Variants in CLGN observed in about 807,000 individuals in gnomAD.
The protein encoded by CLGN is testis tissue sperm-binding protein Li 79P.
CLGN carries 62 observed loss-of-function variants against 79.1 expected under a neutral mutation model. The ratio of observed to expected loss-of-function variants is 0.78; its 90% CI spans 0.64 to 0.97. CLGN has a LOEUF of 0.97. Ranked by LOEUF, CLGN falls within the 50% of genes least tolerant of loss-of-function variation. The probability of loss-of-function intolerance (pLI) is 0.00; values close to 1 mark genes in which losing one functional copy is unlikely to be tolerated. For missense variants in CLGN, 647 were observed against 715.5 expected (o/e 0.90, Z 1.09); for synonymous variants, 225 against 224.7 (o/e 1.00, Z -0.01).
chr4:140,418,811 T>C (rs1258505784), intron 1 of CLGN, among the ~76,000 whole-genome samples: 1 of 151,586 alleles, frequency 6.6e-6, no homozygotes, highest in African/African-American at 2.4e-5. Flanking sequence ...CTCAGGGATC[T>C]AGAACTGGAA....
chr4:140,400,603 C>A, intron 6 of CLGN, 54 bp from the exon 7 acceptor site: 1 of 1,167,110 alleles, frequency 8.6e-7, no homozygotes, highest in Non-Finnish European at 1.2e-6. Context: ...CTATTTAATG[C>A]ATTTCTGTAT....
At chr4:140,425,446 G>GTCTGTGTGTGTGTGTC in intron 1 of CLGN, among the ~76,000 whole-genome samples, 1 of 149,522 alleles carries the variant, frequency 6.7e-6, no homozygotes, top group Non-Finnish European at 1.5e-5. Context: ...GTGTGTGTGT[G>GTCTGTGTGTGTGTGTC]TGTGTGTGTG....
At chr4:140,410,776 C>A in intron 2 of CLGN, 150 bp from the exon 3 acceptor site, 1 of 579,838 alleles carries the variant, frequency 1.7e-6, no homozygotes, top group Non-Finnish European at 3.0e-6. Flanking sequence ...AAACTTTGTA[C>A]CTAGTAATGA....
At chr4:140,422,489 C>G (rs1011424805) in intron 1 of CLGN, among the ~76,000 whole-genome samples, 3 of 152,020 alleles carry the variant, frequency 2.0e-5, no homozygotes, top group Admixed American at 6.6e-5. Context: ...TGATTTATTC[C>G]TAAGTATTTT....
At chr4:140,406,274 G>T (rs2126625024) in intron 4 of CLGN, among the ~76,000 whole-genome samples, 191 bp from the exon 5 acceptor site, 1 of 152,092 alleles carries the variant, frequency 6.6e-6, no homozygotes, top group South Asian at 2.1e-4. Flanking sequence ...ATCAAAGAAT[G>T]ATTTCATCTT....
chr4:140,419,812 A>T (rs181741902), intron 1 of CLGN, among the ~76,000 whole-genome samples: 8 of 152,288 alleles, frequency 5.3e-5, no homozygotes, highest in Admixed American at 1.3e-4. Context: ...TGGGATAGGA[A>T]GTAAATGTAA....
intron 5 of CLGN, among the ~76,000 whole-genome samples, chr4:140,404,754 A>C (rs1271712355): frequency 6.6e-6 from 1 of 151,746 alleles, no homozygotes; most frequent in Non-Finnish European, 1.5e-5. Context: ...TCCTGGGCTT[A>C]GGTGATCCTC....
chr4:140,389,948 TG>T (rs1459984836), intron 14 of CLGN, among the ~76,000 whole-genome samples: 1 of 151,810 alleles, frequency 6.6e-6, no homozygotes, highest in Non-Finnish European at 1.5e-5. Context: ...GGTGACTCTG[TG>T]GGGTAAGGCT....
intron 5 of CLGN, among the ~76,000 whole-genome samples, chr4:140,405,184 T>TA (rs1296701225): frequency 5.5e-5 from 4 of 72,710 alleles, no homozygotes; most frequent in African/African-American, 1.8e-4. Flanking sequence ...TTTTTATTTT[T>TA]TTTTTTATTT....
rs1206983934 is a variant in CLGN, at chr4:140,396,888, T to C, written c.885-683A>G. ...ATATATATATACATATATATATATA[T>C]ATGTATATATATATATATGTATATA... On this transcript the variant is annotated intron_variant, in intron 8 of 14. Coordinates refer to ENST00000325617, the MANE Select transcript of CLGN (RefSeq NM_004362.3). Among the ~76,000 whole-genome samples, 2 of 61,538 alleles carry C rather than the reference T, an allele frequency of 3.3e-5. 1 individual carries two copies. The highest frequency in any genetic ancestry group is 5.4e-5 in the Non-Finnish European group (2 of 36,882). The allele number at this position is 61,538 out of a possible 152,430, so 40.4% of individuals were successfully genotyped here. A position where few individuals can be genotyped will look rare whatever the true frequency, so the allele number is the denominator to read the frequency against.
chr4:140,419,216 C>A (rs1353733360), intron 1 of CLGN, among the ~76,000 whole-genome samples: 1 of 150,974 alleles, frequency 6.6e-6, no homozygotes, highest in Non-Finnish European at 1.5e-5. Context: ...GGTGGGGGAA[C>A]GGGGGAGGGA....
At chr4:140,404,658 T>TC (rs1729064869) in intron 5 of CLGN, among the ~76,000 whole-genome samples, 2 of 150,272 alleles carry the variant, frequency 1.3e-5, no homozygotes, top group African/African-American at 5.0e-5. Context: ...TTTTTTTCTT[T>TC]CTTTCTTTTT....
intron 5 of CLGN, among the ~76,000 whole-genome samples, chr4:140,403,113 T>C (rs930397881): frequency 1.1e-4 from 16 of 152,186 alleles, no homozygotes; most frequent in African/African-American, 3.4e-4. Flanking sequence ...TTTTCTCCTA[T>C]ACTTTTTACC....
chr4:140,392,532 T>A, intron 12 of CLGN, 54 bp downstream of exon 12: 1 of 1,552,218 alleles, frequency 6.4e-7, no homozygotes, highest in South Asian at 1.2e-5. Flanking sequence ...TATAGAACTC[T>A]TAAACAACAA....
At chr4:140,416,939 C>T (rs1372561763) in intron 1 of CLGN, among the ~76,000 whole-genome samples, 7 of 152,026 alleles carry the variant, frequency 4.6e-5, no homozygotes, top group Non-Finnish European at 1.0e-4. Context: ...AACATTGATG[C>T]AAAAATCCTC....
intron 4 of CLGN, among the ~76,000 whole-genome samples, chr4:140,407,009 AT>A (rs796206180): frequency 4.0e-4 from 61 of 152,046 alleles, no homozygotes; most frequent in African/African-American, 1.4e-3. Flanking sequence ...CTCTTATATC[AT>A]TTTTTTTCTT....
chr4:140,418,293 C>G (rs1423405418), intron 1 of CLGN, among the ~76,000 whole-genome samples: 1 of 149,410 alleles, frequency 6.7e-6, no homozygotes, highest in Non-Finnish European at 1.5e-5. Flanking sequence ...TAGGCATGGG[C>G]AAGGACTTCA....
intron 1 of CLGN, among the ~76,000 whole-genome samples, chr4:140,423,195 A>G (rs1336186991): frequency 6.6e-6 from 1 of 152,020 alleles, no homozygotes; most frequent in Admixed American, 6.6e-5. Context: ...GACCTTTACT[A>G]TGTTGAGGTG....
chr4:140,401,995 T>C lies in CLGN; in HGVS notation c.491A>G (p.Asp164Gly). The C allele has an allele frequency of 1.3e-6, 2 of 1,539,614 alleles. No individual in the cohort carries two copies. The highest frequency in any genetic ancestry group is 1.8e-6 in the Non-Finnish European group (2 of 1,130,922). The change falls in exon 6 of 15, where the codon GAT becomes GGT. Residue 164 changes from aspartate (D) to glycine (G), a missense_variant. Transcript: ENST00000325617. ...AYIKLLADTD[D>G]LILENFYDKT... ...ATTAAAATATCATACCAGAATCAAA[T>C]CATCAGTGTCTGCTAGGAGTTTAAT...
Sources: gnomAD v4.1 joint callset for allele counts (sites outside exome capture counted in the v4.1 genomes callset) on GRCh38, gnomAD v4.1.1 for gene constraint, MANE v1.5 for transcripts, NCBI Gene and HGNC (gene_info 2026-07-23, HGNC 2026-07-21) for gene names.